SLC2A7: variants seen among roughly 807,000 people sequenced by gnomAD.
SLC2A7 encodes the protein solute carrier family 2, facilitated glucose transporter member 7.
In SLC2A7, 50 loss-of-function variants were observed where a neutral mutation model predicts 50.5. The ratio of observed to expected loss-of-function variants is 0.99; its 90% CI spans 0.79 to 1.25. SLC2A7 has a LOEUF of 1.25. Ranked by LOEUF, SLC2A7 falls within the 50% of genes most tolerant of loss-of-function variation. SLC2A7 has a pLI of 0.00. For synonymous variants in SLC2A7, 308 were observed against 300.4 expected, an observed-to-expected ratio of 1.03 and a Z score of -0.26; for missense variants, 683 against 679.1, an observed-to-expected ratio of 1.01 and a Z score of -0.06.
downstream of SLC2A7, among the ~76,000 whole-genome samples, chr1:9,001,828 G>T (rs77568758): frequency 0.031 from 4,711 of 152,196 alleles, 106 homozygotes; most frequent in Middle Eastern, 0.071. Flanking sequence ...GTTGTGGGGG[G>T]AAGAATGAGA....
At chr1:9,005,148 T>C (rs917440313) in intron 10 of SLC2A7, among the ~76,000 whole-genome samples, 1 of 152,180 alleles carries the variant, frequency 6.6e-6, no homozygotes, top group Non-Finnish European at 1.5e-5. Context: ...CCATGAAGGT[T>C]TGCAGAAAGT....
chr1:9,013,717 G>T, intron 7 of SLC2A7, 82 bp from the exon 8 acceptor site: 1 of 1,225,084 alleles, frequency 8.2e-7, no homozygotes, highest in Non-Finnish European at 1.2e-6. Flanking sequence ...GCCACACACA[G>T]TTCTGCAAGC....
At chr1:9,019,799 C>T (rs1005382717) in intron 3 of SLC2A7, among the ~76,000 whole-genome samples, 1 of 152,120 alleles carries the variant, frequency 6.6e-6, no homozygotes, top group Admixed American at 6.5e-5. Context: ...TGGCACATGC[C>T]TGTAATCTCA....
Position 9,018,756 on chromosome 1 carries a change from CT to C in SLC2A7, c.437-382del, listed in dbSNP as rs1252576336. ...TAACTTTTATTCATAGAAGAAATTA[CT>C]GTAGTTAAGAAACTACTGAGTTTAA... On this transcript the variant is annotated intron_variant, in intron 4 of 11. Coordinates refer to ENST00000400906, the MANE Select transcript of SLC2A7 (RefSeq NM_207420.3). 2.0e-5 allele frequency among the ~76,000 whole-genome samples: 3 copies of C among 152,264 alleles called. 1 individual carries two copies. Among genetic ancestry groups the C allele is most frequent in the African/African-American group, 7.2e-5 (3 of 41,466 alleles).
At chr1:9,010,476 A>G (rs1208566752) in intron 8 of SLC2A7, among the ~76,000 whole-genome samples, 1 of 152,076 alleles carries the variant, frequency 6.6e-6, no homozygotes, top group African/African-American at 2.4e-5. Flanking sequence ...CTCCTACCTC[A>G]GCTCCCAAGT....
Position 9,026,408 on chromosome 1 carries a change from C to T in SLC2A7, c.-63G>A. The T allele has an allele frequency of 6.7e-7, 1 of 1,488,562 alleles. No individual in the cohort carries two copies. The highest frequency in any genetic ancestry group is 9.1e-7 in the Non-Finnish European group (1 of 1,101,074). The allele number at this position is 1,488,562 out of a possible 1,614,324, so 92.2% of individuals were successfully genotyped here. A position where few individuals can be genotyped will look rare whatever the true frequency, so the allele number is the denominator to read the frequency against. On this transcript the variant is annotated 5_prime_UTR_variant, in exon 1 of 12. Coordinates refer to ENST00000400906, the MANE Select transcript of SLC2A7 (RefSeq NM_207420.3). ...CAAGTGACACCTGCTCTGCGCCAGC[C>T]ACCTAAAGACCGGCTGTTTCTCCCC...
intron 3 of SLC2A7, among the ~76,000 whole-genome samples, chr1:9,020,746 A>G (rs1640902033): frequency 6.8e-6 from 1 of 146,578 alleles, no homozygotes; most frequent in African/African-American, 2.5e-5. Context: ...ATCTTGGCTC[A>G]CTGAAACCTC....
chr1:8,998,474 C>T (rs753479929), downstream of SLC2A7, among the ~76,000 whole-genome samples: 4 of 152,180 alleles, frequency 2.6e-5, no homozygotes, highest in South Asian at 2.1e-4. Context: ...TTCTTCCTGG[C>T]GTTCCATTAA....
At chr1:9,021,311 G>A (rs1236847257) in intron 3 of SLC2A7, among the ~76,000 whole-genome samples, 1 of 152,090 alleles carries the variant, frequency 6.6e-6, no homozygotes, top group East Asian at 1.9e-4. Context: ...TGCCCAGCCT[G>A]GTATTCATTT....
downstream of SLC2A7, among the ~76,000 whole-genome samples, chr1:9,001,367 C>T (rs538737329): frequency 6.0e-5 from 9 of 151,198 alleles, no homozygotes; most frequent in East Asian, 1.7e-3. Flanking sequence ...GTGATAGAAT[C>T]AGCCTAGGAT....
downstream of SLC2A7, among the ~76,000 whole-genome samples, chr1:8,998,175 A>G (rs1005295357): frequency 2.5e-4 from 38 of 152,128 alleles, no homozygotes; most frequent in African/African-American, 9.2e-4. Flanking sequence ...AGGCCGAGGT[A>G]GGTGGATCAC....
chr1:9,019,181 G>A lies in SLC2A7; in HGVS notation c.436+28C>T, dbSNP rs754774393. The A allele has an allele frequency of 4.2e-5, 67 of 1,609,780 alleles. No homozygotes were observed. In the Admixed American group the frequency reaches 9.9e-4, roughly 24 times the overall value. ...TGGCCAAACAGACCCTTCCCCCAAG[G>A]CTGAGCCGGAGCCTGGGCCCCAGGT... On this transcript the variant is annotated intron_variant, in intron 4 of 11. Transcript: ENST00000400906.
intron 11 of SLC2A7, among the ~76,000 whole-genome samples, chr1:9,004,504 C>G (rs927937848): frequency 6.6e-6 from 1 of 152,092 alleles, no homozygotes; most frequent in Non-Finnish European, 1.5e-5. Context: ...CGCCTTTGAG[C>G]TCCGCGGACC....
At chr1:9,013,784 T>C in intron 7 of SLC2A7, 149 bp from the exon 8 acceptor site, 1 of 630,958 alleles carries the variant, frequency 1.6e-6, no homozygotes, top group Non-Finnish European at 2.7e-6. Flanking sequence ...AAAAGAGGCC[T>C]GACCTGGAGT....
intron 2 of SLC2A7, among the ~76,000 whole-genome samples, chr1:9,024,366 C>T (rs1046589858): frequency 1.2e-4 from 19 of 152,250 alleles, no homozygotes; most frequent in Non-Finnish European, 2.4e-4. Flanking sequence ...TGTATATATA[C>T]GTAATACACA....
At chr1:8,993,599 G>A in the SLC2A7 span, among the ~76,000 whole-genome samples, 1 of 152,152 alleles carries the variant, frequency 6.6e-6, no homozygotes, top group Non-Finnish European at 1.5e-5. Flanking sequence ...ATTTTGGTAT[G>A]TGAAATAAAA....
rs1175362080 is a variant in SLC2A7 at position 9,003,253 on chromosome 1, A to T, written c.*47T>A. On this transcript the variant is annotated 3_prime_UTR_variant, in exon 12 of 12. Coordinates refer to ENST00000400906, the MANE Select transcript of SLC2A7 (RefSeq NM_207420.3). ...GCCTGGGGCCGGGAGGCCCATTGTC[A>T]TAGAAGGAAGCCTTGAATATGGGCT... 6.3e-7 allele frequency: 1 copy of T among 1,593,126 alleles called. No individual in the cohort carries two copies. Among genetic ancestry groups the T allele is most frequent in the Non-Finnish European group, 8.6e-7 (1 of 1,164,908 alleles).
intron 9 of SLC2A7, among the ~76,000 whole-genome samples, chr1:9,009,542 G>A (rs956786235): frequency 1.3e-5 from 2 of 152,096 alleles, no homozygotes; most frequent in Non-Finnish European, 2.9e-5. Context: ...CTGCAGCCTT[G>A]ACCTCCCAGG....
chr1:9,009,469 TC>T (rs1640709365), intron 9 of SLC2A7, among the ~76,000 whole-genome samples: 1 of 152,238 alleles, frequency 6.6e-6, no homozygotes, highest in Non-Finnish European at 1.5e-5. Flanking sequence ...TTTTGTTTTT[TC>T]TTTTTTGAGA....
Sources: allele counts gnomAD v4.1 joint callset (sites outside exome capture counted in the v4.1 genomes callset), GRCh38; gene constraint gnomAD v4.1.1; transcripts MANE v1.5; gene names NCBI Gene and HGNC (gene_info 2026-07-23, HGNC 2026-07-21).